NDUFAF2: variants seen among roughly 807,000 people sequenced by gnomAD.
The protein encoded by NDUFAF2 is NADH:ubiquinone oxidoreductase complex assembly factor 2.
NDUFAF2 carries 13 observed loss-of-function variants against 22.8 expected under a neutral mutation model. The ratio of observed to expected loss-of-function variants is 0.57; its 90% CI spans 0.37 to 0.91. The LOEUF is 0.91. Among genes scored for constraint, NDUFAF2 ranks in the 40% least tolerant of loss-of-function variants. The pLI, the probability that NDUFAF2 is intolerant of heterozygous loss-of-function variation, is 0.01. For synonymous variants in NDUFAF2, 53 were observed against 64.2 expected (o/e 0.83, Z 0.84); for missense variants, 162 against 195.2 (o/e 0.83, Z 1.01).
intron 1 of NDUFAF2, among the ~76,000 whole-genome samples, chr5:61,058,260 C>G (rs1281579883): frequency 1.3e-5 from 2 of 152,200 alleles, no homozygotes; most frequent in South Asian, 2.1e-4. Context: ...TATTTGCCAT[C>G]ATTTTTAATT....
chr5:60,970,830 A>G (rs923185460), intron 1 of NDUFAF2, among the ~76,000 whole-genome samples: 1 of 152,160 alleles, frequency 6.6e-6, no homozygotes, highest in African/African-American at 2.4e-5. Context: ...TGTAAAGTTC[A>G]ATATGTAGGC....
chr5:60,949,678 A>G (rs746913395), intron 1 of NDUFAF2, among the ~76,000 whole-genome samples: 2 of 152,224 alleles, frequency 1.3e-5, no homozygotes, highest in Non-Finnish European at 2.9e-5. Context: ...TGGATAACGT[A>G]GCATTTAAGA....
At chr5:61,097,611 A>G (rs1752660465) in intron 2 of NDUFAF2, among the ~76,000 whole-genome samples, 2 of 152,234 alleles carry the variant, frequency 1.3e-5, no homozygotes, top group Non-Finnish European at 2.9e-5. Flanking sequence ...AGCCAGTTCA[A>G]CCAGGGTTTA....
chr5:61,123,162 A>C (rs1346402243), intron 3 of NDUFAF2, among the ~76,000 whole-genome samples: 1 of 152,130 alleles, frequency 6.6e-6, no homozygotes, highest in Admixed American at 6.6e-5. Context: ...CATATTCTCC[A>C]GTATCTTGCT....
At chr5:61,117,616 A>G (rs1055239607) in intron 3 of NDUFAF2, among the ~76,000 whole-genome samples, 1 of 152,102 alleles carries the variant, frequency 6.6e-6, no homozygotes, top group South Asian at 2.1e-4. Flanking sequence ...TCAGCCTCCC[A>G]TAGTGCTGGG....
intron 3 of NDUFAF2, among the ~76,000 whole-genome samples, chr5:61,130,628 C>T (rs1753097436): frequency 6.6e-6 from 1 of 152,024 alleles, no homozygotes; most frequent in African/African-American, 2.4e-5. Context: ...ACCTTCCCTC[C>T]CTCTAAATTA....
At chr5:61,130,513 C>A (rs1248203093) in intron 3 of NDUFAF2, among the ~76,000 whole-genome samples, 1 of 152,080 alleles carries the variant, frequency 6.6e-6, no homozygotes, top group Non-Finnish European at 1.5e-5. Flanking sequence ...GACTCACTTG[C>A]CATATTGCAG....
At chr5:61,136,364 A>G (rs1389726186) in intron 3 of NDUFAF2, among the ~76,000 whole-genome samples, 1 of 152,078 alleles carries the variant, frequency 6.6e-6, no homozygotes, top group Non-Finnish European at 1.5e-5. Context: ...CTGGAAAGCT[A>G]GTGTGATCTA....
intron 1 of NDUFAF2, among the ~76,000 whole-genome samples, chr5:61,064,674 T>C (rs1752207240): frequency 6.6e-6 from 1 of 152,044 alleles, no homozygotes; most frequent in South Asian, 2.1e-4. Flanking sequence ...TTCTAAAATG[T>C]CTTGAGACAA....
At chr5:61,063,659 C>T (rs982768120) in intron 1 of NDUFAF2, among the ~76,000 whole-genome samples, 1 of 152,034 alleles carries the variant, frequency 6.6e-6, no homozygotes, top group Non-Finnish European at 1.5e-5. Flanking sequence ...GAGTAATTAT[C>T]AGCTTAAAAT....
chr5:61,076,154 T>C, intron 2 of NDUFAF2, among the ~76,000 whole-genome samples: 1 of 152,168 alleles, frequency 6.6e-6, no homozygotes, highest in East Asian at 1.9e-4. Flanking sequence ...CACTGCAGGC[T>C]CCACCTCCCA....
In NDUFAF2 at chr5:60,964,370, A is replaced by C. The variant is rs1302224314; in HGVS notation, c.127+18988A>C. 3.9e-5 allele frequency among the ~76,000 whole-genome samples: 6 copies of C among 152,112 alleles called. No individual in the cohort carries two copies. In the South Asian group the frequency reaches 8.3e-4, roughly 21 times the overall value. ...ATTGTGGAATGGCTAACTCAAGCTA[A>C]TTAACATATGTATTACCTCATAATT... is the stretch of plus-strand genomic sequence containing the variant. On this transcript the variant is annotated intron_variant, in intron 1 of 3. Coordinates refer to ENST00000296597, the MANE Select transcript of NDUFAF2 (RefSeq NM_174889.5).
intron 3 of NDUFAF2, among the ~76,000 whole-genome samples, chr5:61,138,716 CTG>C (rs1741000383): frequency 6.6e-6 from 1 of 152,140 alleles, no homozygotes; most frequent in Non-Finnish European, 1.5e-5. Context: ...CAGGGAAACA[CTG>C]TAGTCAGGCA....
At chr5:61,008,437 A>T (rs980908327) in intron 1 of NDUFAF2, among the ~76,000 whole-genome samples, 5 of 152,158 alleles carry the variant, frequency 3.3e-5, no homozygotes, top group African/African-American at 1.2e-4. Flanking sequence ...CTTAGTTAAT[A>T]ACATCCAAAA....
intron 3 of NDUFAF2, among the ~76,000 whole-genome samples, chr5:61,101,243 A>G (rs969331099): frequency 6.6e-6 from 1 of 152,176 alleles, no homozygotes; most frequent in African/African-American, 2.4e-5. Context: ...CAAGAAACAC[A>G]ACTTTGCCAT....
At chr5:61,091,779 T>C (rs551801722) in intron 2 of NDUFAF2, among the ~76,000 whole-genome samples, 11 of 152,202 alleles carry the variant, frequency 7.2e-5, no homozygotes, top group Non-Finnish European at 1.5e-4. Context: ...CCCATTTCTA[T>C]ATGCTCAGTG....
At position 61,122,441 on chromosome 5, in the gene NDUFAF2, A is replaced by G. The variant is rs545223402; in HGVS notation, c.258+23409A>G. On this transcript the variant is annotated intron_variant, in intron 3 of 3. Coordinates refer to ENST00000296597, the MANE Select transcript of NDUFAF2 (RefSeq NM_174889.5). Reference sequence around the variant, plus strand: ...TCATTTGTACCTGTTATTTAAAGTCAACAAGAATCCTGATTTGATGTGAAT... The same window carrying G: ...TCATTTGTACCTGTTATTTAAAGTCGACAAGAATCCTGATTTGATGTGAAT... 1.7e-3 allele frequency among the ~76,000 whole-genome samples: 256 copies of G among 152,326 alleles called. 1 individual carries two copies. Among genetic ancestry groups the G allele is most frequent in the Middle Eastern group, 0.01 (3 of 294 alleles).
At chr5:61,040,290 G>GCA (rs1751860203) in intron 1 of NDUFAF2, among the ~76,000 whole-genome samples, 6 of 62,692 alleles carry the variant, frequency 9.6e-5, no homozygotes, top group Non-Finnish European at 1.7e-4. Context: ...ACACACACGC[G>GCA]CGCGCGCGCG....
At chr5:61,056,037 G>A (rs77458564) in intron 1 of NDUFAF2, among the ~76,000 whole-genome samples, 3,653 of 152,130 alleles carry the variant, frequency 0.024, 59 homozygotes, top group Non-Finnish European at 0.037. Context: ...TTATTGACAC[G>A]TTGCTAAATT....
Sources: allele counts gnomAD v4.1 joint callset (sites outside exome capture counted in the v4.1 genomes callset), GRCh38; gene constraint gnomAD v4.1.1; transcripts MANE v1.5; gene names NCBI Gene and HGNC (gene_info 2026-07-23, HGNC 2026-07-21).